The following WDR91 variants were observed in gnomAD, a reference collection of about 807,000 sequenced individuals.
WDR91 encodes WD repeat domain 91, also known as WD repeat-containing protein 91.
Under a neutral mutation model 88.4 loss-of-function variants are expected in WDR91, and 52 were observed. That is an observed-to-expected ratio of 0.59 (90% CI 0.47 to 0.74). WDR91 has a LOEUF of 0.74. WDR91 is among the 30% of genes least tolerant of loss of function. The probability of loss-of-function intolerance (pLI) is 0.00; values close to 1 mark genes in which losing one functional copy is unlikely to be tolerated. For missense variants in WDR91, 824 were observed against 954.5 expected (o/e 0.86, Z 1.80); for synonymous variants, 362 against 389.5 (o/e 0.93, Z 0.83).
In WDR91 at chr7:135,204,344, C is replaced by A; in HGVS notation, c.815G>T (p.Ser272Ile). 1.2e-6 allele frequency: 2 copies of A among 1,614,176 alleles called. No homozygotes were observed. Among genetic ancestry groups the A allele is most frequent in the Non-Finnish European group, 1.7e-6 (2 of 1,180,030 alleles). ...LSSLLPQSKK[S>I]PSRLSPAQGP... ...CTGAGCAGGCGACAACCTTGAGGGG[C>A]TCTTCTTACTCTGAGGCAGCAGCGA... The change falls in exon 6 of 15, where the codon AGC (serine) becomes ATC (isoleucine). Residue 272 changes from serine to isoleucine, a missense_variant. By Grantham distance (142) the Ser-to-Ile change is moderately radical. Coordinates refer to ENST00000354475, the MANE Select transcript of WDR91 (RefSeq NM_014149.4).
intron 6 of WDR91, among the ~76,000 whole-genome samples, chr7:135,200,979 G>GA (rs1396212480): frequency 6.6e-6 from 1 of 152,164 alleles, no homozygotes; most frequent in African/African-American, 2.4e-5. Context: ...ATCCCAGAAT[G>GA]AAAGACAGGC....
At chr7:135,203,892 T>C (rs906628946) in intron 6 of WDR91, among the ~76,000 whole-genome samples, 1 of 152,164 alleles carries the variant, frequency 6.6e-6, no homozygotes, top group Non-Finnish European at 1.5e-5. Context: ...GACCTGGGTG[T>C]GAGGTCTGGC....
intron 11 of WDR91, among the ~76,000 whole-genome samples, chr7:135,191,069 C>T (rs1288856437): frequency 6.6e-6 from 1 of 152,072 alleles, no homozygotes; most frequent in African/African-American, 2.4e-5. Context: ...TTAAAAGCAG[C>T]CAGAGAGAAA....
At position 135,184,259 on chromosome 7, in the gene WDR91, C is replaced by T. The variant is rs1830857497; in HGVS notation, c.*1892G>A. 1 of 152,204 alleles carries T rather than the reference C, an allele frequency of 6.6e-6. No individual in the cohort carries two copies. Among genetic ancestry groups the T allele is most frequent in the Admixed American group, 6.5e-5 (1 of 15,290 alleles). The allele number at this position is 152,204 out of a possible 1,614,324, so 9.4% of individuals were successfully genotyped here. Reference sequence around the variant, plus strand: ...ATCAAGCCACTTAAATACCTCCCTACTTTTCCCTCAACTCCCAGAACAAAG... The same window carrying T: ...ATCAAGCCACTTAAATACCTCCCTATTTTTCCCTCAACTCCCAGAACAAAG... On this transcript the variant is annotated 3_prime_UTR_variant, in exon 15 of 15. Coordinates refer to ENST00000354475, the MANE Select transcript of WDR91 (RefSeq NM_014149.4).
At chr7:135,207,997 C>G (rs895692246) in intron 3 of WDR91, among the ~76,000 whole-genome samples, 1 of 152,230 alleles carries the variant, frequency 6.6e-6, no homozygotes, top group Non-Finnish European at 1.5e-5. Context: ...AATTCACACT[C>G]ATCTGGGGCA....
At chr7:135,190,389 C>A (rs1831120102) in intron 11 of WDR91, among the ~76,000 whole-genome samples, 1 of 152,040 alleles carries the variant, frequency 6.6e-6, no homozygotes, top group Non-Finnish European at 1.5e-5. Context: ...AGGAACCTGG[C>A]AAAAATTAAT....
At chr7:135,192,606 C>G (rs1585410010) in intron 11 of WDR91, among the ~76,000 whole-genome samples, 1 of 152,212 alleles carries the variant, frequency 6.6e-6, no homozygotes, top group Admixed American at 6.5e-5. Context: ...AACTGAACAT[C>G]TGGAACAGGA....
chr7:135,189,291 A>T, intron 12 of WDR91, 53 bp downstream of exon 12: 1 of 1,552,514 alleles, frequency 6.4e-7, no homozygotes, highest in South Asian at 1.2e-5. Context: ...GGCAAAAAAA[A>T]TTGCCTGGGA....
Position 135,186,922 on chromosome 7 carries a change from A to G in WDR91, c.2079+50T>C, listed in dbSNP as rs553676736. 91 of 1,606,020 alleles carry G rather than the reference A, an allele frequency of 5.7e-5. 1 individual carries two copies. The South Asian group carries it at 8.9e-4, about 16-fold the overall frequency. ...CCATGGCCCAGACCTCCAGGGAGGA[A>G]CCCCTGCCCACCACAATACCACTAC... On this transcript the variant is annotated intron_variant, in intron 14 of 14. Transcript: ENST00000354475.
intron 11 of WDR91, among the ~76,000 whole-genome samples, chr7:135,192,129 T>G (rs1413543817): frequency 6.7e-6 from 1 of 149,680 alleles, no homozygotes; most frequent in African/African-American, 2.5e-5. Flanking sequence ...TTTTTTTTTT[T>G]TTTTTTGAGA....
intron 5 of WDR91, 108 bp downstream of exon 5, chr7:135,205,820 T>C: frequency 6.6e-7 from 1 of 1,517,326 alleles, no homozygotes; most frequent in Non-Finnish European, 9.0e-7. Flanking sequence ...CTTCCGCAAT[T>C]CTCCTTCAGC....
At chr7:135,198,404 T>A (rs1831454684) in intron 6 of WDR91, 1 of 471,362 alleles carries the variant, frequency 2.1e-6, no homozygotes. Context: ...TGGAGGAAGA[T>A]GTCATCTTGA....
chr7:135,194,997 T>G lies in WDR91; in HGVS notation c.1332A>C (p.Lys444Asn). ...GCGGTGATTTGGAAATGGAGGATGC[T>G]TTGGTCTGCATGATGGGGTTGAAGG... ...VWSFNPIMQT[K>N]ASSISKSPLL... Residue 444 changes from lysine (K) to asparagine (N), a missense_variant, in exon 9 of 15, where the codon AAA (lysine) becomes AAC (asparagine). Transcript: ENST00000354475. 6.2e-7 allele frequency: 1 copy of G among 1,614,138 alleles called. No homozygotes were observed. The highest frequency in any genetic ancestry group is 8.5e-7 in the Non-Finnish European group (1 of 1,180,020).
Position 135,207,212 on chromosome 7 carries a change from G to C in WDR91, c.512-10C>G, listed in dbSNP as rs1410278708. On this transcript the variant is annotated splice_polypyrimidine_tract_variant and intron_variant, in intron 3 of 14. Coordinates refer to ENST00000354475, the MANE Select transcript of WDR91 (RefSeq NM_014149.4). Reference sequence around the variant, plus strand: ...AGGATCACAGGGACTGGTGCACGAAGTTAAAGAATAAGCCAGCCCCTGAAA... The same window carrying C: ...AGGATCACAGGGACTGGTGCACGAACTTAAAGAATAAGCCAGCCCCTGAAA... The C allele has an allele frequency of 6.3e-7, 1 of 1,598,712 alleles. No homozygotes were observed. Among genetic ancestry groups the C allele is most frequent in the Admixed American group, 1.7e-5 (1 of 59,612 alleles).
At chr7:135,188,676 G>A in intron 12 of WDR91, 131 bp from the exon 13 acceptor site, 1 of 758,646 alleles carries the variant, frequency 1.3e-6, no homozygotes. Context: ...AGGCACCCAG[G>A]ACCCAATGAG....
rs1831384961 is a variant in WDR91, at chr7:135,196,637, C to T, written c.1051-300G>A. Among the ~76,000 whole-genome samples the T allele has an allele frequency of 6.6e-6, 1 of 152,290 alleles. No individual in the cohort carries two copies. Among genetic ancestry groups the T allele is most frequent in the South Asian group, 2.1e-4 (1 of 4,828 alleles). On this transcript the variant is annotated intron_variant, in intron 7 of 14. Transcript: ENST00000354475. The surrounding 1 kb of genome is among the most constrained non-coding windows in gnomAD (Gnocchi z 4.2). ...GACCCAGGACACACATCTGCCTTGA[C>T]AACAGGCCAGGCGGAGGATGCGTGG...
At chr7:135,188,030 T>C (rs950991909) in intron 13 of WDR91, among the ~76,000 whole-genome samples, 2 of 152,130 alleles carry the variant, frequency 1.3e-5, no homozygotes, top group African/African-American at 2.4e-5. Context: ...TTCCTTTTTT[T>C]CTGGCTTCTT....
At chr7:135,206,137 C>T (rs1831770733) in intron 4 of WDR91, 79 bp from the exon 5 acceptor site, 1 of 1,586,560 alleles carries the variant, frequency 6.3e-7, no homozygotes, top group Admixed American at 1.7e-5. Context: ...AGACACATCG[C>T]ATCCAAGCCC....
rs1158211110 is a variant in WDR91 at position 135,194,787 on chromosome 7, C to T, written c.1395+147G>A. 11 of 1,106,580 alleles carry T rather than the reference C, an allele frequency of 9.9e-6. No individual in the cohort carries two copies. In the East Asian group the frequency reaches 1.5e-4, roughly 15 times the overall value. 68.5% of individuals were successfully genotyped at this position (1,106,580 alleles called of 1,614,324 possible). ...CTTCCCACAACAGGAGCCTTCTGGG[C>T]CAGTCCTGGATGTGTGTCCCTGAAT... On this transcript the variant is annotated intron_variant, in intron 9 of 14. Coordinates refer to ENST00000354475, the MANE Select transcript of WDR91 (RefSeq NM_014149.4).
Sources: gnomAD v4.1 joint callset for allele counts (sites outside exome capture counted in the v4.1 genomes callset) on GRCh38, gnomAD v4.1.1 for gene constraint, Gnocchi (gnomAD v3.1) non-coding constraint, MANE v1.5 for transcripts, NCBI Gene and HGNC (gene_info 2026-07-23, HGNC 2026-07-21) for gene names.